Variants in AHCYL2 observed in about 807,000 individuals in gnomAD.
AHCYL2 encodes the protein S-adenosylhomocysteine hydrolase-like protein 2.
A neutral mutation model predicts 81.4 loss-of-function variants in AHCYL2; 28 were observed. The ratio of observed to expected loss-of-function variants is 0.34; its 90% confidence interval spans 0.25 to 0.47. The LOEUF is 0.47. Among genes scored for constraint, AHCYL2 ranks in the 20% least tolerant of loss-of-function variants. AHCYL2 has a pLI of 1.00. For missense variants in AHCYL2, 551 were observed against 785.1 expected (o/e 0.70, Z 3.56); for synonymous variants, 272 against 290.2 (o/e 0.94, Z 0.64).
chr7:129,230,383 T>C (rs1417742109), intron 1 of AHCYL2, among the ~76,000 whole-genome samples: 1 of 151,592 alleles, frequency 6.6e-6, no homozygotes, highest in Non-Finnish European at 1.5e-5. Context: ...CGCCCGGCTA[T>C]TTAATTCTTT....
At chr7:129,395,932 C>G (rs1403220735) in intron 4 of AHCYL2, among the ~76,000 whole-genome samples, 2 of 152,176 alleles carry the variant, frequency 1.3e-5, no homozygotes, top group Non-Finnish European at 2.9e-5. Context: ...TTCTTCCCCC[C>G]ATGCACTGCC....
intron 5 of AHCYL2, among the ~76,000 whole-genome samples, chr7:129,398,178 T>A (rs535789303): frequency 1.1e-4 from 17 of 151,522 alleles, no homozygotes; most frequent in African/African-American, 1.4e-4. Context: ...CCAGCTAATT[T>A]AAAAAAAATG....
chr7:129,225,146 C>A lies in AHCYL2; in HGVS notation c.70C>A (p.Pro24Thr). 1 of 1,601,522 alleles carries A rather than the reference C, an allele frequency of 6.2e-7. No individual in the cohort carries two copies. The highest frequency in any genetic ancestry group is 8.5e-7 in the Non-Finnish European group (1 of 1,175,620). Residue 24 changes from proline (P) to threonine (T), a missense_variant, in exon 1 of 17, where the codon CCC becomes ACC. Coordinates refer to ENST00000325006, the MANE Select transcript of AHCYL2 (RefSeq NM_015328.4). ...VPEVELKDLS[P>T]SEAESQLGLS... The stretch of plus-strand genomic sequence containing the variant: ...TGAGGTGGAGCTGAAGGACCTGAGC[C>A]CCTCCGAGGCGGAGTCGCAACTAGG...
Position 129,422,953 on chromosome 7 carries a change from G to A in AHCYL2, c.1560+15G>A. ...TGCTGGCAGAGGTAAGGCTGAGACT[G>A]GCAAAAATACTCCCCCACAACAGGA... is the stretch of plus-strand genomic sequence containing the variant. On this transcript the variant is annotated intron_variant, in intron 13 of 16. Coordinates refer to ENST00000325006, the MANE Select transcript of AHCYL2 (RefSeq NM_015328.4). The A allele has an allele frequency of 6.2e-7, 1 of 1,611,494 alleles. No homozygotes were observed. Among genetic ancestry groups the A allele is most frequent in the African/African-American group, 1.3e-5 (1 of 74,900 alleles).
intron 1 of AHCYL2, among the ~76,000 whole-genome samples, chr7:129,363,304 C>G (rs1011991781): frequency 2.6e-5 from 4 of 152,060 alleles, no homozygotes; most frequent in Non-Finnish European, 5.9e-5. Flanking sequence ...ATATTGGAAA[C>G]GAATTTATAA....
Position 129,306,130 on chromosome 7 carries a change from C to A in AHCYL2, c.364-73508C>A, listed in dbSNP as rs182323127. ...CCTTCTTGTACTTGAATACTGATAT[C>A]TTTCTCTAGGCTTGGGAAGTTCTCT... On this transcript the variant is annotated intron_variant, in intron 1 of 16. Coordinates refer to ENST00000325006, the MANE Select transcript of AHCYL2 (RefSeq NM_015328.4). 3.0e-4 allele frequency among the ~76,000 whole-genome samples: 45 copies of A among 152,290 alleles called. No homozygotes were observed. The East Asian group carries it at 8.5e-3, about 29-fold the overall frequency.
chr7:129,405,857 G>C lies in AHCYL2; in HGVS notation c.1164G>C (p.Met388Ile). 1.2e-6 allele frequency: 2 copies of C among 1,613,568 alleles called. No homozygotes were observed. Among genetic ancestry groups the C allele is most frequent in the Non-Finnish European group, 1.7e-6 (2 of 1,179,758 alleles). Residue 388 changes from methionine to isoleucine, a missense_variant, in exon 9 of 17, where the codon ATG becomes ATC. Physicochemically the swap from Met to Ile is conservative, Grantham distance 10 (BLOSUM62 1). This residue lies in a region of AHCYL2 where 316 missense variants were observed against 543.1 expected (regional missense o/e 0.58). Coordinates refer to ENST00000325006, the MANE Select transcript of AHCYL2 (RefSeq NM_015328.4). ...CTAGACTTAAAAGGACAACAGACAT[G>C]ATGTTTGGTGGAAAGCAAGTGGTAG... ...ILDGLKRTTD[M>I]MFGGKQVVVC...
At chr7:129,374,257 T>C (rs1794562866) in intron 1 of AHCYL2, among the ~76,000 whole-genome samples, 1 of 152,194 alleles carries the variant, frequency 6.6e-6, no homozygotes, top group Admixed American at 6.5e-5. Context: ...AAACACAGGC[T>C]CAAATTCCAG....
chr7:129,379,967 A>G (rs1277490936), intron 2 of AHCYL2, among the ~76,000 whole-genome samples: 1 of 152,204 alleles, frequency 6.6e-6, no homozygotes, highest in Non-Finnish European at 1.5e-5. Flanking sequence ...CAATAGAGTC[A>G]GAAGAGGGTG....
At chr7:129,423,680 GTTTT>G (rs201434021) in intron 13 of AHCYL2, among the ~76,000 whole-genome samples, 1 of 151,198 alleles carries the variant, frequency 6.6e-6, no homozygotes, top group African/African-American at 2.4e-5. Flanking sequence ...TTTTCAGTTG[GTTTT>G]TTTTCTTTTT....
intron 11 of AHCYL2, among the ~76,000 whole-genome samples, chr7:129,411,437 G>C (rs139650933): frequency 2.6e-5 from 4 of 152,042 alleles, no homozygotes; most frequent in African/African-American, 9.7e-5. Flanking sequence ...GTGAAAAGAA[G>C]GGGAAAAAAT....
At chr7:129,356,195 A>G (rs897489453) in intron 1 of AHCYL2, among the ~76,000 whole-genome samples, 6 of 152,124 alleles carry the variant, frequency 3.9e-5, no homozygotes, top group Non-Finnish European at 1.5e-5. Flanking sequence ...GACTTTAACC[A>G]TTTTCAAAGT....
chr7:129,249,466 C>G (rs941504377), intron 1 of AHCYL2, among the ~76,000 whole-genome samples: 3 of 151,886 alleles, frequency 2.0e-5, no homozygotes, highest in Admixed American at 2.0e-4. Context: ...TCGCCCAGGC[C>G]GGACTGCGGA....
intron 1 of AHCYL2, among the ~76,000 whole-genome samples, chr7:129,328,733 G>A (rs1798314993): frequency 2.0e-5 from 3 of 151,970 alleles, no homozygotes; most frequent in East Asian, 1.9e-4. Flanking sequence ...TGAGCCACCC[G>A]TCTCGGCCTC....
chr7:129,421,251 CAAA>C (rs11411466), intron 12 of AHCYL2, among the ~76,000 whole-genome samples: 2 of 137,032 alleles, frequency 1.5e-5, no homozygotes, highest in Non-Finnish European at 3.2e-5. Flanking sequence ...GACTCCATCT[CAAA>C]AAAAAAAAAA....
chr7:129,349,334 A>ATTTG, intron 1 of AHCYL2, among the ~76,000 whole-genome samples: 1 of 152,150 alleles, frequency 6.6e-6, no homozygotes, highest in African/African-American at 2.4e-5. Context: ...GTATATACAA[A>ATTTG]TATAAGAACT....
chr7:129,382,159 T>C (rs566764418), intron 2 of AHCYL2, among the ~76,000 whole-genome samples: 1 of 152,332 alleles, frequency 6.6e-6, no homozygotes, highest in African/African-American at 2.4e-5. Context: ...TGGAAAGTTA[T>C]ATACAATGAT....
At chr7:129,293,143 T>C (rs1351525078) in intron 1 of AHCYL2, among the ~76,000 whole-genome samples, 4 of 35,778 alleles carry the variant, frequency 1.1e-4, no homozygotes, top group Admixed American at 4.3e-4. Context: ...AAGACAGAGT[T>C]TTTGGGTTTT....
At chr7:129,407,908 T>A (rs1004837044) in intron 10 of AHCYL2, among the ~76,000 whole-genome samples, 1 of 152,178 alleles carries the variant, frequency 6.6e-6, no homozygotes, top group Non-Finnish European at 1.5e-5. Context: ...TCTTGACATT[T>A]GTATAGGTGT....
Sources: allele counts gnomAD v4.1 joint callset (sites outside exome capture counted in the v4.1 genomes callset), GRCh38; gene constraint gnomAD v4.1.1; regional missense constraint gnomAD v4.1.1; transcripts MANE v1.5; gene names NCBI Gene and HGNC (gene_info 2026-07-23, HGNC 2026-07-21).